WWOX: variants seen among roughly 807,000 people sequenced by gnomAD.
WWOX encodes WW domain-containing oxidoreductase.
A neutral mutation model predicts 46.2 loss-of-function variants in WWOX; 69 were observed. That is an observed-to-expected ratio of 1.49 (90% CI 1.23 to 1.82). The LOEUF is 1.82. Among genes scored for constraint, WWOX ranks in the 40% most tolerant of loss-of-function variants. The pLI, the probability that WWOX is intolerant of heterozygous loss-of-function variation, is 0.00. For synonymous variants in WWOX, 359 were observed against 202.6 expected (o/e 1.77, Z -6.56); for missense variants, 919 against 542.6 (o/e 1.69, Z -6.89).
At chr16:79,061,989 G>A (rs545723416) in intron 8 of WWOX, among the ~76,000 whole-genome samples, 91 of 152,274 alleles carry the variant, frequency 6.0e-4, no homozygotes, top group Non-Finnish European at 1.1e-3. Flanking sequence ...TCTTTTCACA[G>A]CCCCTCCCCA....
intron 8 of WWOX, among the ~76,000 whole-genome samples, chr16:78,576,010 A>G (rs1311860375): frequency 6.6e-6 from 1 of 152,132 alleles, no homozygotes; most frequent in Non-Finnish European, 1.5e-5. Flanking sequence ...GTACTGGATT[A>G]TCATTTATTT....
intron 8 of WWOX, among the ~76,000 whole-genome samples, chr16:78,448,969 C>T (rs2083624476): frequency 6.6e-6 from 1 of 152,132 alleles, no homozygotes. Flanking sequence ...GGTCTGGTTA[C>T]AGAGGGAACT....
At chr16:78,901,604 C>G (rs1035466497) in intron 8 of WWOX, among the ~76,000 whole-genome samples, 3 of 152,338 alleles carry the variant, frequency 2.0e-5, no homozygotes, top group Middle Eastern at 6.8e-3. Flanking sequence ...CCTCCCACCT[C>G]AGCCTCCTGA....
intron 8 of WWOX, among the ~76,000 whole-genome samples, chr16:78,919,580 C>G (rs1323847304): frequency 7.0e-6 from 1 of 142,612 alleles, no homozygotes; most frequent in African/African-American, 2.6e-5. Flanking sequence ...CACAATGGCG[C>G]GATCTCAGCT....
At chr16:78,837,720 C>G (rs1030242071) in intron 8 of WWOX, among the ~76,000 whole-genome samples, 2 of 152,112 alleles carry the variant, frequency 1.3e-5, no homozygotes, top group East Asian at 1.9e-4. Context: ...AAGTGAATTT[C>G]TATTTATTAT....
intron 8 of WWOX, among the ~76,000 whole-genome samples, chr16:78,732,253 A>G (rs1450578979): frequency 6.6e-6 from 1 of 152,138 alleles, no homozygotes; most frequent in Non-Finnish European, 1.5e-5. Flanking sequence ...TAGGTCATAA[A>G]AGATGATCCT....
At chr16:78,494,498 CAA>C (rs2084862050) in intron 8 of WWOX, among the ~76,000 whole-genome samples, 1 of 151,870 alleles carries the variant, frequency 6.6e-6, no homozygotes, top group South Asian at 2.1e-4. Context: ...ATTAAGCAAA[CAA>C]AAGGAAATAA....
chr16:78,471,568 G>C (rs1320745128), intron 8 of WWOX, among the ~76,000 whole-genome samples: 2 of 152,128 alleles, frequency 1.3e-5, no homozygotes, highest in African/African-American at 4.8e-5. Context: ...TGAAATCTCT[G>C]CAGCGATAGT....
chr16:78,408,417 C>T (rs1057397859), intron 6 of WWOX, among the ~76,000 whole-genome samples: 2 of 152,132 alleles, frequency 1.3e-5, no homozygotes, highest in East Asian at 1.9e-4. Flanking sequence ...AGGGGAACCA[C>T]CCCCACCACA....
chr16:78,585,536 G>A lies in WWOX; in HGVS notation c.1056+152784G>A, dbSNP rs76711432. On this transcript the variant is annotated intron_variant, in intron 8 of 8. Transcript: ENST00000566780. ...CCCCAGGATCCCCAGAGGGTCCCTC[G>A]GTATTGTGGTTTTCTCCTCGCTTCC... 9.8e-3 allele frequency among the ~76,000 whole-genome samples: 1,488 copies of A among 152,194 alleles called. 23 individuals are homozygous for A. The highest frequency in any genetic ancestry group is 0.053 in the East Asian group (274 of 5,168).
chr16:78,343,652 C>A (rs1213937120), intron 5 of WWOX, among the ~76,000 whole-genome samples: 2 of 120,794 alleles, frequency 1.7e-5, no homozygotes, highest in African/African-American at 5.6e-5. Context: ...TAGTATATTT[C>A]TGTAAATAGC....
At chr16:78,582,357 G>C (rs2045079973) in intron 8 of WWOX, among the ~76,000 whole-genome samples, 1 of 152,182 alleles carries the variant, frequency 6.6e-6, no homozygotes, top group East Asian at 1.9e-4. Context: ...TATTAATTTA[G>C]ACAAGAATGT....
chr16:79,076,037 C>T lies in WWOX; in HGVS notation c.1057-135571C>T, dbSNP rs534015989. 1.2e-4 allele frequency among the ~76,000 whole-genome samples: 19 copies of T among 152,204 alleles called. No individual in the cohort carries two copies. In the East Asian group the frequency reaches 3.3e-3, roughly 26 times the overall value. On this transcript the variant is annotated intron_variant, in intron 8 of 8. Transcript: ENST00000566780. ...TTTTCTTCTTACAGTATATGTAGAA[C>T]CATTTTCTTGAAAATGTTTCTTAGA...
At chr16:78,218,404 A>G (rs959738002) in intron 5 of WWOX, among the ~76,000 whole-genome samples, 4 of 151,954 alleles carry the variant, frequency 2.6e-5, no homozygotes, top group Admixed American at 1.3e-4. Context: ...GCCTTTCTTA[A>G]TGTCTTTGAC....
intron 8 of WWOX, among the ~76,000 whole-genome samples, chr16:78,982,770 A>G (rs2046708567): frequency 6.6e-6 from 1 of 152,216 alleles, no homozygotes; most frequent in Non-Finnish European, 1.5e-5. Context: ...ATTAATAAAT[A>G]GTGATTACCA....
chr16:78,252,971 T>C (rs1279040193), intron 5 of WWOX, among the ~76,000 whole-genome samples: 1 of 152,208 alleles, frequency 6.6e-6, no homozygotes, highest in African/African-American at 2.4e-5. Context: ...TAGGGGCTGA[T>C]AGAAACGCAA....
chr16:78,683,936 G>A (rs889397152), intron 8 of WWOX, among the ~76,000 whole-genome samples: 3 of 152,160 alleles, frequency 2.0e-5, no homozygotes, highest in Non-Finnish European at 1.5e-5. Context: ...GCAAGCTGAG[G>A]AAAGGAGGCA....
rs1030498730 is a variant in WWOX, at chr16:78,500,184, G to A, written c.1056+67432G>A. Among the ~76,000 whole-genome samples the A allele has an allele frequency of 7.2e-5, 11 of 152,298 alleles. No individual in the cohort carries two copies. The East Asian group carries it at 2.1e-3, about 29-fold the overall frequency. On this transcript the variant is annotated intron_variant, in intron 8 of 8. Transcript: ENST00000566780. ...GGTGTAGAATTTTGCCAGTCCTACG[G>A]TCAATGCAGTACTAATTGTGTGTGT...
intron 5 of WWOX, among the ~76,000 whole-genome samples, chr16:78,376,672 G>C (rs1357282283): frequency 2.0e-5 from 3 of 152,138 alleles, no homozygotes; most frequent in Non-Finnish European, 4.4e-5. Flanking sequence ...TAGCATCCCT[G>C]ACCTCTGCCC....
Sources: allele counts gnomAD v4.1 joint callset (sites outside exome capture counted in the v4.1 genomes callset), GRCh38; gene constraint gnomAD v4.1.1; transcripts MANE v1.5; gene names NCBI Gene and HGNC (gene_info 2026-07-23, HGNC 2026-07-21).